The following PTDSS1 variants were observed in gnomAD, a reference collection of about 807,000 sequenced individuals.
PTDSS1 encodes the protein phosphatidylserine synthase 1, also known as PSS-1.
Under a neutral mutation model 70.5 loss-of-function variants are expected in PTDSS1, and 45 were observed. The observed-to-expected ratio is 0.64, with a 90% confidence interval of 0.50 to 0.82. PTDSS1 has a LOEUF of 0.82. PTDSS1 is among the 40% of genes least tolerant of loss of function. The probability of loss-of-function intolerance (pLI) is 0.00; values close to 1 mark genes in which losing one functional copy is unlikely to be tolerated. For missense variants in PTDSS1, 417 were observed against 586.1 expected, an observed-to-expected ratio of 0.71 and a Z score of 2.98; for synonymous variants, 188 against 203.8, an observed-to-expected ratio of 0.92 and a Z score of 0.66.
intron 4 of PTDSS1, among the ~76,000 whole-genome samples, chr8:96,291,271 G>C (rs34737846): frequency 0.066 from 10,069 of 152,072 alleles, 375 homozygotes; most frequent in Non-Finnish European, 0.08. Flanking sequence ...CAGCTTTTTA[G>C]AATTTTATTA....
Position 96,284,178 on chromosome 8 carries a change from A to G in PTDSS1, c.316+25A>G, listed in dbSNP as rs185600382. ...GGTGAGTTTATATTAGCAATGTAAA[A>G]GGATGTTCTATTTTTTTAATCTTTT... On this transcript the variant is annotated intron_variant, in intron 3 of 12. Transcript: ENST00000517309. 2.8e-3 allele frequency: 4,476 copies of G among 1,572,588 alleles called. 10 individuals carry two copies. The highest frequency in any genetic ancestry group is 3.4e-3 in the Non-Finnish European group (3,870 of 1,146,870).
intron 1 of PTDSS1, among the ~76,000 whole-genome samples, chr8:96,270,837 T>G (rs1228607716): frequency 6.6e-6 from 1 of 152,200 alleles, no homozygotes; most frequent in Non-Finnish European, 1.5e-5. Context: ...AGGCCATCCA[T>G]TTGATCCTCT....
intron 11 of PTDSS1, chr8:96,330,626 TG>T (rs1295352144): frequency 5.2e-6 from 2 of 384,930 alleles, no homozygotes; most frequent in Non-Finnish European, 9.6e-6. Flanking sequence ...GGCCTCTTCC[TG>T]TGTTCCGGCC....
At chr8:96,264,860 C>T (rs1339867685) in intron 1 of PTDSS1, among the ~76,000 whole-genome samples, 1 of 152,180 alleles carries the variant, frequency 6.6e-6, no homozygotes, top group Non-Finnish European at 1.5e-5. Context: ...ACTGTAGTCT[C>T]ATCCAAAAAT....
intron 1 of PTDSS1, among the ~76,000 whole-genome samples, chr8:96,269,088 A>G (rs1343354590): frequency 1.3e-5 from 2 of 152,214 alleles, no homozygotes; most frequent in African/African-American, 2.4e-5. Flanking sequence ...GGTCAGTGCT[A>G]TGCTGGAGCA....
At chr8:96,284,458 T>C (rs552379952) in intron 3 of PTDSS1, among the ~76,000 whole-genome samples, 71 of 152,366 alleles carry the variant, frequency 4.7e-4, no homozygotes, top group Admixed American at 3.1e-3. Flanking sequence ...TGTGTTTTCA[T>C]AGTGCTTTTT....
rs949014622 is a variant in PTDSS1, at chr8:96,335,082, G to C, written c.*1516G>C. Reference sequence around the variant, plus strand: ...GTAGATTCTGCGGGAGTGGAGAAGCGTCAGTGGCAGCTCCGCTCACTTGGT... The same window carrying C: ...GTAGATTCTGCGGGAGTGGAGAAGCCTCAGTGGCAGCTCCGCTCACTTGGT... On this transcript the variant is annotated 3_prime_UTR_variant, in exon 13 of 13. Coordinates refer to ENST00000517309, the MANE Select transcript of PTDSS1 (RefSeq NM_014754.3). The C allele has an allele frequency of 6.6e-6, 1 of 152,142 alleles. No individual in the cohort carries two copies. The highest frequency in any genetic ancestry group is 1.5e-5 in the Non-Finnish European group (1 of 68,040). The allele number at this position is 152,142 out of a possible 1,614,324, so 9.4% of individuals were successfully genotyped here. A position where few individuals can be genotyped will look rare whatever the true frequency, so the allele number is the denominator to read the frequency against.
intron 8 of PTDSS1, among the ~76,000 whole-genome samples, chr8:96,308,584 A>G (rs1354564274): frequency 6.6e-6 from 1 of 152,126 alleles, no homozygotes; most frequent in Non-Finnish European, 1.5e-5. Context: ...CACAGAGGCC[A>G]CTCACCACGT....
chr8:96,323,715 G>T (rs916400654), intron 10 of PTDSS1, among the ~76,000 whole-genome samples: 1 of 152,158 alleles, frequency 6.6e-6, no homozygotes. Flanking sequence ...TCTCTGAAAC[G>T]CTTTTGCTTT....
intron 11 of PTDSS1, 113 bp downstream of exon 11, chr8:96,330,394 G>A: frequency 9.7e-7 from 1 of 1,028,128 alleles, no homozygotes; most frequent in African/African-American, 1.6e-5. Flanking sequence ...CTGAGGTTGG[G>A]GCCTCCAGTC....
intron 1 of PTDSS1, among the ~76,000 whole-genome samples, chr8:96,264,423 G>A (rs1397248990): frequency 1.3e-5 from 2 of 152,128 alleles, no homozygotes; most frequent in South Asian, 2.1e-4. Context: ...ATTATTGAAC[G>A]AGGATGTAGT....
At chr8:96,291,900 A>G (rs776101649) in intron 4 of PTDSS1, among the ~76,000 whole-genome samples, 1 of 152,180 alleles carries the variant, frequency 6.6e-6, no homozygotes, top group Admixed American at 6.5e-5. Flanking sequence ...GCTTTTTATA[A>G]TGTTAAGATT....
In PTDSS1 at chr8:96,333,863, A is replaced by G. The variant is rs541922608; in HGVS notation, c.*297A>G. On this transcript the variant is annotated 3_prime_UTR_variant, in exon 13 of 13. Transcript: ENST00000517309. ...AGGGAAACGGTAGCTATTCATTCAC[A>G]GTTGCCAAGAGCAGCTCCGCGCCTG... 2.8e-4 allele frequency: 178 copies of G among 639,076 alleles called. 3 individuals are homozygous for G. The South Asian group carries it at 3.1e-3, about 11-fold the overall frequency. 39.6% of individuals were successfully genotyped at this position (639,076 alleles called of 1,614,324 possible).
chr8:96,282,824 C>G (rs182160267), intron 2 of PTDSS1, among the ~76,000 whole-genome samples: 1 of 152,148 alleles, frequency 6.6e-6, no homozygotes, highest in Non-Finnish European at 1.5e-5. Context: ...TATTAAAGAG[C>G]CTGTTAAAGA....
At chr8:96,277,872 A>G (rs28525241) in intron 2 of PTDSS1, among the ~76,000 whole-genome samples, 34,886 of 152,250 alleles carry the variant, frequency 0.23, 8,326 homozygotes, top group African/African-American at 0.61. Flanking sequence ...GATGCTTTTG[A>G]CTGCAAGTGA....
At position 96,333,709 on chromosome 8, in the gene PTDSS1, C is replaced by T. The variant is rs1270984878; in HGVS notation, c.*143C>T. ...GCACTTGGGGGTCATTATTTGAGAT[C>T]GTAAGTCTTGTTTCCCACAGACCTG... On this transcript the variant is annotated 3_prime_UTR_variant, in exon 13 of 13. Coordinates refer to ENST00000517309, the MANE Select transcript of PTDSS1 (RefSeq NM_014754.3). 2 of 820,382 alleles carry T rather than the reference C, an allele frequency of 2.4e-6. No homozygotes were observed. The highest frequency in any genetic ancestry group is 2.6e-5 in the East Asian group (1 of 37,804). 50.8% of individuals were successfully genotyped at this position (820,382 alleles called of 1,614,324 possible).
At chr8:96,296,590 T>C (rs2130082824) in intron 5 of PTDSS1, among the ~76,000 whole-genome samples, 1 of 152,334 alleles carries the variant, frequency 6.6e-6, no homozygotes, top group South Asian at 2.1e-4. Context: ...TTCTGAGATA[T>C]TGGAGGTTAG....
At chr8:96,264,994 C>A (rs535899191) in intron 1 of PTDSS1, among the ~76,000 whole-genome samples, 11 of 152,268 alleles carry the variant, frequency 7.2e-5, no homozygotes, top group Non-Finnish European at 1.3e-4. Context: ...TTCGTACTTA[C>A]TAAATCTTAC....
intron 9 of PTDSS1, among the ~76,000 whole-genome samples, chr8:96,319,067 C>T (rs1811336814): frequency 6.6e-6 from 1 of 151,948 alleles, no homozygotes; most frequent in African/African-American, 2.4e-5. Flanking sequence ...GTGTGTGCCA[C>T]CACGCCTGGC....
Sources: allele counts gnomAD v4.1 joint callset (sites outside exome capture counted in the v4.1 genomes callset), GRCh38; gene constraint gnomAD v4.1.1; transcripts MANE v1.5; gene names NCBI Gene and HGNC (gene_info 2026-07-23, HGNC 2026-07-21).